APLF: variants seen among roughly 807,000 people sequenced by gnomAD.
The protein encoded by APLF is aprataxin and PNK-like factor.
APLF carries 61 observed loss-of-function variants against 55.6 expected under a neutral mutation model. That is an observed-to-expected ratio of 1.10 (90% CI 0.89 to 1.36). The LOEUF (loss-of-function observed/expected upper bound fraction) is 1.36, where lower values mean the gene tolerates loss of function less well. APLF is among the 40% of genes most tolerant of loss of function. APLF has a pLI of 0.00. For synonymous variants in APLF, 207 were observed against 214.8 expected, an observed-to-expected ratio of 0.96 and a Z score of 0.32; for missense variants, 611 against 602.5, an observed-to-expected ratio of 1.01 and a Z score of -0.15.
chr2:68,517,852 AAT>A (rs1295999367), intron 5 of APLF, among the ~76,000 whole-genome samples: 2 of 144,994 alleles, frequency 1.4e-5, no homozygotes, highest in African/African-American at 5.0e-5. Context: ...ATATATCACT[AAT>A]ATGTGTTAAT....
chr2:68,544,876 A>G (rs951423783), intron 7 of APLF, among the ~76,000 whole-genome samples: 1 of 152,124 alleles, frequency 6.6e-6, no homozygotes. Flanking sequence ...TATGATATTT[A>G]TGTTATATGC....
At chr2:68,544,508 T>C (rs1328541724) in intron 7 of APLF, among the ~76,000 whole-genome samples, 1 of 152,188 alleles carries the variant, frequency 6.6e-6, no homozygotes, top group Non-Finnish European at 1.5e-5. Flanking sequence ...TTAATAATTA[T>C]TTATGTTAAG....
Position 68,467,598 on chromosome 2 carries a change from C to A in APLF, c.-134C>A. 1.5e-6 allele frequency: 1 copy of A among 669,116 alleles called. No individual in the cohort carries two copies. The highest frequency in any genetic ancestry group is 2.1e-6 in the Non-Finnish European group (1 of 472,970). 41.4% of individuals were successfully genotyped at this position (669,116 alleles called of 1,614,324 possible). On this transcript the variant is annotated 5_prime_UTR_variant, in exon 1 of 10. Coordinates refer to ENST00000303795, the MANE Select transcript of APLF (RefSeq NM_173545.3). ...GGGCCGGGCTCTGAGAGGACCGGCGCAGCCGCGGGGAGCCTTTGAGGCCCT... is the reference window on the plus strand; with the variant it reads ...GGGCCGGGCTCTGAGAGGACCGGCGAAGCCGCGGGGAGCCTTTGAGGCCCT...
chr2:68,542,456 A>G (rs997303020), intron 7 of APLF, among the ~76,000 whole-genome samples: 4 of 152,302 alleles, frequency 2.6e-5, no homozygotes, highest in African/African-American at 9.6e-5. Context: ...TAAACAACCA[A>G]AAAACAAATT....
intron 1 of APLF, among the ~76,000 whole-genome samples, chr2:68,480,213 C>A (rs1331432582): frequency 6.6e-6 from 1 of 150,878 alleles, no homozygotes; most frequent in African/African-American, 2.4e-5. Flanking sequence ...TTGGTGGAGT[C>A]TTTAGGTTTT....
At position 68,526,116 on chromosome 2, in the gene APLF, A is replaced by G. The variant is rs1379134335; in HGVS notation, c.678A>G (p.Leu226=). The change falls in exon 6 of 10, where the codon CTA becomes CTG. Residue 226 remains leucine (L), a synonymous_variant. Transcript: ENST00000303795. ...AAATCTGCAAAGATAAATCCCAGCTAAACACAACCCAGCAAGGAAGAAGGC... is the reference window on the plus strand; with the variant it reads ...AAATCTGCAAAGATAAATCCCAGCTGAACACAACCCAGCAAGGAAGAAGGC... The part of the protein sequence containing the change: ...KEEICKDKSQ[L]NTTQQGRRQL... The G allele has an allele frequency of 6.2e-7, 1 of 1,613,962 alleles. No homozygotes were observed. Among genetic ancestry groups the G allele is most frequent in the Admixed American group, 1.7e-5 (1 of 60,026 alleles).
chr2:68,550,486 C>T (rs1410819203), intron 8 of APLF, among the ~76,000 whole-genome samples: 1 of 152,166 alleles, frequency 6.6e-6, no homozygotes, highest in Non-Finnish European at 1.5e-5. Context: ...CCCACCTCAG[C>T]CTCCCAAAGT....
chr2:68,541,223 G>A (rs900809243), intron 7 of APLF, among the ~76,000 whole-genome samples: 6 of 151,996 alleles, frequency 3.9e-5, no homozygotes, highest in Non-Finnish European at 5.9e-5. Context: ...ATGACATTGG[G>A]CAAAGATTTC....
At chr2:68,516,854 T>A (rs895454547) in intron 5 of APLF, among the ~76,000 whole-genome samples, 4 of 136,462 alleles carry the variant, frequency 2.9e-5, no homozygotes, top group African/African-American at 1.1e-4. Flanking sequence ...GTTTTATATA[T>A]ATAATATATA....
intron 5 of APLF, among the ~76,000 whole-genome samples, chr2:68,516,889 A>C (rs1259694348): frequency 7.5e-6 from 1 of 132,590 alleles, no homozygotes; most frequent in Non-Finnish European, 1.6e-5. Flanking sequence ...GTTATATATA[A>C]TATAATAATA....
chr2:68,547,768 A>G (rs979057490), intron 8 of APLF, among the ~76,000 whole-genome samples: 4 of 151,760 alleles, frequency 2.6e-5, no homozygotes, highest in African/African-American at 9.7e-5. Context: ...TTTGTAAATT[A>G]CCCAGTCTCA....
chr2:68,513,553 C>T lies in APLF; in HGVS notation c.495C>T (p.Phe165=). 3 of 1,609,864 alleles carry T rather than the reference C, an allele frequency of 1.9e-6. No individual in the cohort carries two copies. The highest frequency in any genetic ancestry group is 2.5e-6 in the Non-Finnish European group (3 of 1,177,714). The change falls in exon 5 of 10, where the codon TTC becomes TTT. Residue 165 remains phenylalanine, a synonymous_variant. Coordinates refer to ENST00000303795, the MANE Select transcript of APLF (RefSeq NM_173545.3). ...ATTTATAGGTGTCTTTTTAGTCTTT[C>T]CTAGGTGAAAATAGAGACTGCAATA... is the stretch of plus-strand genomic sequence containing the variant. ...TQMTPTNSVS[F]LGENRDCNKQ... is the part of the protein sequence containing the mutation.
At chr2:68,558,991 T>C (rs1671093326) in intron 8 of APLF, among the ~76,000 whole-genome samples, 1 of 152,232 alleles carries the variant, frequency 6.6e-6, no homozygotes. Flanking sequence ...AAAACTATTA[T>C]TCTGTTGTTG....
At chr2:68,545,500 G>A (rs1670680755) in intron 8 of APLF, among the ~76,000 whole-genome samples, 188 bp downstream of exon 8, 1 of 152,150 alleles carries the variant, frequency 6.6e-6, no homozygotes, top group Non-Finnish European at 1.5e-5. Context: ...AATTACTGAA[G>A]TTACACATCT....
intron 5 of APLF, among the ~76,000 whole-genome samples, chr2:68,516,485 G>T: frequency 6.6e-6 from 1 of 150,976 alleles, no homozygotes; most frequent in East Asian, 1.9e-4. Context: ...GGTGGTGTTT[G>T]GTTACATGGA....
intron 8 of APLF, among the ~76,000 whole-genome samples, chr2:68,547,606 T>G (rs1670742318): frequency 6.6e-6 from 1 of 151,654 alleles, no homozygotes; most frequent in Non-Finnish European, 1.5e-5. Context: ...AAAAATGAAT[T>G]TTTTCAATTA....
intron 1 of APLF, among the ~76,000 whole-genome samples, chr2:68,486,852 T>G (rs1676192182): frequency 6.6e-6 from 1 of 152,166 alleles, no homozygotes; most frequent in African/African-American, 2.4e-5. Flanking sequence ...AAGTTTTAAT[T>G]TAAACTTGGT....
At chr2:68,481,468 T>C (rs1675955728) in intron 1 of APLF, among the ~76,000 whole-genome samples, 1 of 152,210 alleles carries the variant, frequency 6.6e-6, no homozygotes, top group Non-Finnish European at 1.5e-5. Flanking sequence ...CTGAGAAATC[T>C]GCTGTTAGTC....
Position 68,513,536 on chromosome 2 carries a change from G to T in APLF, c.490-12G>T, listed in dbSNP as rs1331572249. On this transcript the variant is annotated splice_polypyrimidine_tract_variant and intron_variant, in intron 4 of 9. Transcript: ENST00000303795. ...TGTGATTATTTTTAGTAATTTATAGGTGTCTTTTTAGTCTTTCCTAGGTGA... is the reference window on the plus strand; with the variant it reads ...TGTGATTATTTTTAGTAATTTATAGTTGTCTTTTTAGTCTTTCCTAGGTGA... The T allele has an allele frequency of 2.5e-6, 4 of 1,607,830 alleles. No individual in the cohort carries two copies. In the South Asian group the frequency reaches 4.4e-5, roughly 18 times the overall value.
Sources: gnomAD v4.1 joint callset for allele counts (sites outside exome capture counted in the v4.1 genomes callset) on GRCh38, gnomAD v4.1.1 for gene constraint, MANE v1.5 for transcripts, NCBI Gene and HGNC (gene_info 2026-07-23, HGNC 2026-07-21) for gene names.